The following CLCNKA variants were observed in gnomAD, a reference collection of about 807,000 sequenced individuals.
CLCNKA encodes the protein chloride voltage-gated channel Ka, also known as chloride channel protein ClC-Ka.
In CLCNKA, 66 loss-of-function variants were observed where a neutral mutation model predicts 83.3. The observed-to-expected ratio is 0.79, with a 90% CI of 0.65 to 0.97. CLCNKA has a LOEUF of 0.97. Among genes scored for constraint, CLCNKA ranks in the 50% least tolerant of loss-of-function variants. The pLI is 0.00. For missense variants in CLCNKA, 806 were observed against 888.7 expected (o/e 0.91, Z 1.18); for synonymous variants, 357 against 370.4 (o/e 0.96, Z 0.42).
At position 16,027,865 on chromosome 1, in the gene CLCNKA, C is replaced by T; in HGVS notation, c.826C>T (p.Pro276Ser). 6.2e-6 allele frequency: 10 copies of T among 1,613,408 alleles called. No homozygotes were observed. Among genetic ancestry groups the T allele is most frequent in the Non-Finnish European group, 8.5e-6 (10 of 1,179,786 alleles). ...LYKTSFRVDV[P>S]FDLPEIFFFV... The stretch of plus-strand genomic sequence containing the variant: ...CAAGACCAGTTTCCGGGTGGACGTT[C>T]CCTTCGACCTGCCTGAGATCTTCTT... The change falls in exon 9 of 20, where the codon CCC (proline) becomes TCC (serine). Residue 276 changes from proline (P) to serine (S), a missense_variant. Pro to Ser is a moderately conservative substitution (Grantham distance 74, BLOSUM62 -1). Transcript: ENST00000331433.
At position 16,030,653 on chromosome 1, in the gene CLCNKA, G is replaced by T. The variant is rs770418010; in HGVS notation, c.1601G>T (p.Arg534Leu). ...IIVKKLPYLP[R>L]ILGRNIGSHH... ...GTCAAGAAGCTGCCATACCTGCCAC[G>T]GATTCTGGGCCGCAACATCGGGTGA... Residue 534 changes from arginine (R) to leucine (L), a missense_variant, in exon 15 of 20, where the codon CGG (arginine) becomes CTG (leucine). Physicochemically the swap from Arg to Leu is moderately radical, Grantham distance 102. Coordinates refer to ENST00000331433, the MANE Select transcript of CLCNKA (RefSeq NM_004070.4). 1 of 1,613,294 alleles carries T rather than the reference G, an allele frequency of 6.2e-7. No homozygotes were observed. The highest frequency in any genetic ancestry group is 8.5e-7 in the Non-Finnish European group (1 of 1,180,030).
At chr1:16,022,390 C>A (rs1557446460) in intron 1 of CLCNKA, among the ~76,000 whole-genome samples, 2 of 152,092 alleles carry the variant, frequency 1.3e-5, no homozygotes, top group Non-Finnish European at 2.9e-5. Flanking sequence ...CAGGGGGACA[C>A]CTAGGAATCC....
chr1:16,029,820 G>C lies in CLCNKA; in HGVS notation c.1297+20G>C, dbSNP rs771326944. On this transcript the variant is annotated intron_variant, in intron 13 of 19. Coordinates refer to ENST00000331433, the MANE Select transcript of CLCNKA (RefSeq NM_004070.4). ...TCCTTGGTGAGTCTGGGGTCCTGAG[G>C]TTCTGAGAGTTTTGGGGTTCTTGGG... 3.7e-6 allele frequency: 6 copies of C among 1,614,100 alleles called. No individual in the cohort carries two copies. In the South Asian group the frequency reaches 6.6e-5, roughly 18 times the overall value.
rs781505084 is a variant in CLCNKA at position 16,029,958 on chromosome 1, T to C, written c.1298-7T>C. On this transcript the variant is annotated splice_region_variant and splice_polypyrimidine_tract_variant and intron_variant, in intron 13 of 19. Coordinates refer to ENST00000331433, the MANE Select transcript of CLCNKA (RefSeq NM_004070.4). The stretch of plus-strand genomic sequence containing the variant: ...CTGGCTCCCCCTCACCCTAAGTCTG[T>C]GGCCAGGAGCTGCCATCGGGCGCCT... The C allele has an allele frequency of 7.5e-6, 12 of 1,609,244 alleles. No individual in the cohort carries two copies. Among genetic ancestry groups the C allele is most frequent in the Middle Eastern group, 3.3e-4 (2 of 6,052 alleles).
At position 16,026,260 on chromosome 1, in the gene CLCNKA, G is replaced by A. The variant is rs1199752943; in HGVS notation, c.498+13G>A. 6.2e-7 allele frequency: 1 copy of A among 1,613,488 alleles called. No individual in the cohort carries two copies. The highest frequency in any genetic ancestry group is 8.5e-7 in the Non-Finnish European group (1 of 1,180,008). On this transcript the variant is annotated intron_variant, in intron 5 of 19. Coordinates refer to ENST00000331433, the MANE Select transcript of CLCNKA (RefSeq NM_004070.4). ...CCTGGGCAAAGTGGTATGGTCAGGTGTGAGGGCACCCCAGCCACCCCGCCC... is the reference window on the plus strand; with the variant it reads ...CCTGGGCAAAGTGGTATGGTCAGGTATGAGGGCACCCCAGCCACCCCGCCC...
chr1:16,025,029 C>A, intron 4 of CLCNKA, 138 bp downstream of exon 4: 1 of 1,164,496 alleles, frequency 8.6e-7, no homozygotes, highest in Non-Finnish European at 1.3e-6. Context: ...TGAAGGCACA[C>A]AGCAAGAAGG....
In CLCNKA at chr1:16,022,713, A is replaced by G. The variant is rs1436760926; in HGVS notation, c.94A>G (p.Ile32Val). Reference sequence around the variant, plus strand: ...CCCCTGTCCCCACATCCGCCGAGCCATCCAAGGTGAGAGCCAGGTCCTCTT... The same window carrying G: ...CCCCTGTCCCCACATCCGCCGAGCCGTCCAAGGTGAGAGCCAGGTCCTCTT... ...WGPCPHIRRA[I>V]QGGLEWLKQK... The change falls in exon 2 of 20, where the codon ATC (isoleucine) becomes GTC (valine). Residue 32 changes from isoleucine to valine, a missense_variant. Transcript: ENST00000331433. The G allele has an allele frequency of 1.3e-6, 2 of 1,533,212 alleles. No homozygotes were observed. Among genetic ancestry groups the G allele is most frequent in the Admixed American group, 2.0e-5 (1 of 49,620 alleles). The allele number at this position is 1,533,212 out of a possible 1,614,324, so 95.0% of individuals were successfully genotyped here.
intron 3 of CLCNKA, 42 bp downstream of exon 3, chr1:16,023,970 C>G (rs910147218): frequency 1.2e-6 from 2 of 1,612,342 alleles, no homozygotes; most frequent in East Asian, 2.2e-5. Context: ...CCAAGGGATT[C>G]TAGGCACGCT....
chr1:16,025,619 C>T (rs1557449267), intron 4 of CLCNKA, among the ~76,000 whole-genome samples: 1 of 144,274 alleles, frequency 6.9e-6, no homozygotes, highest in African/African-American at 2.4e-5. Flanking sequence ...CTGAGGAAGT[C>T]GGGGTTATAA....
Position 16,032,305 on chromosome 1 carries a change from A to C in CLCNKA, c.1845+14A>C, listed in dbSNP as rs1348726099. ...CCAGGACACCAGGTGGTTACTCCTG[A>C]GGGGCGTGGGGATGGGGCGGGGGTG... On this transcript the variant is annotated intron_variant, in intron 17 of 19. Coordinates refer to ENST00000331433, the MANE Select transcript of CLCNKA (RefSeq NM_004070.4). 4.0e-5 allele frequency: 16 copies of C among 405,022 alleles called. No individual in the cohort carries two copies. The highest frequency in any genetic ancestry group is 7.4e-5 in the Non-Finnish European group (16 of 215,908). The allele number at this position is 405,022 out of a possible 1,614,324, so 25.1% of individuals were successfully genotyped here. A position where few individuals can be genotyped will look rare whatever the true frequency, so the allele number is the denominator to read the frequency against.
At chr1:16,029,658 C>A (rs1366750793) in intron 12 of CLCNKA, 73 bp from the exon 13 acceptor site, 44 of 1,561,516 alleles carry the variant, frequency 2.8e-5, no homozygotes, top group Non-Finnish European at 3.7e-5. Context: ...CCCCTGTCCC[C>A]TGTCCTGTCT....
At position 16,030,520 on chromosome 1, in the gene CLCNKA, G is replaced by A; in HGVS notation, c.1468G>A (p.Glu490Lys). Residue 490 changes from glutamate (E) to lysine (K), a missense_variant, in exon 15 of 20, where the codon GAG (glutamate) becomes AAG (lysine). Glu to Lys is a moderately conservative substitution (Grantham distance 56, BLOSUM62 1). Coordinates refer to ENST00000331433, the MANE Select transcript of CLCNKA (RefSeq NM_004070.4). ...CATCTCCACGGCGCTGCTGGCCTTT[G>A]AGCTGACCGGCCAGATAGTGCATGC... Reference protein sequence around the residue: ...HTISTALLAFELTGQIVHALP... With the variant: ...HTISTALLAFKLTGQIVHALP... The A allele has an allele frequency of 6.2e-7, 1 of 1,613,126 alleles. No homozygotes were observed. Among genetic ancestry groups the A allele is most frequent in the Non-Finnish European group, 8.5e-7 (1 of 1,180,038 alleles).
intron 7 of CLCNKA, 132 bp downstream of exon 7, chr1:16,026,907 T>G (rs1192880422): frequency 1.6e-6 from 2 of 1,221,410 alleles, no homozygotes; most frequent in Non-Finnish European, 2.3e-6. Context: ...AGCCCCGCTT[T>G]GGGTATAGCC....
At chr1:16,032,355 G>A (rs1423027655) in intron 17 of CLCNKA, 64 bp downstream of exon 17, 4 of 1,536,992 alleles carry the variant, frequency 2.6e-6, no homozygotes, top group Admixed American at 1.7e-5. Context: ...GGAGGGGAGG[G>A]ACCCGCTGAT....
At chr1:16,032,583 TGAG>T (rs1557457811) in intron 18 of CLCNKA, 57 bp downstream of exon 18, 2 of 1,341,448 alleles carry the variant, frequency 1.5e-6, no homozygotes, top group South Asian at 1.2e-5. Flanking sequence ...CAAGAGCTGA[TGAG>T]GAGCTCAGGC....
Position 16,026,208 on chromosome 1 carries a change from C to CA in CLCNKA, c.460dup (p.Thr154AsnfsTer39), listed in dbSNP as rs2022339527. ...GGGCCAAGGTGGTGGGCCTCTCCTG[C>CA]ACCCTGGCCACCGGCAGCACCCTGT... On this transcript the variant is annotated frameshift_variant, in exon 5 of 20. Transcript: ENST00000331433. LOFTEE classifies it high-confidence loss of function. 1 of 1,613,794 alleles carries CA rather than the reference C, an allele frequency of 6.2e-7. No homozygotes were observed. The highest frequency in any genetic ancestry group is 1.3e-5 in the African/African-American group (1 of 74,910).
chr1:16,022,093 A>G (rs2022151839), intron 1 of CLCNKA, 30 bp downstream of exon 1: 1 of 152,992 alleles, frequency 6.5e-6, no homozygotes, highest in South Asian at 2.1e-4. Flanking sequence ...GGACTGGAGT[A>G]TGAACCTGGA....
At chr1:16,025,349 TTA>T (rs2022304806) in intron 4 of CLCNKA, among the ~76,000 whole-genome samples, 1 of 152,188 alleles carries the variant, frequency 6.6e-6, no homozygotes, top group Non-Finnish European at 1.5e-5. Context: ...CAAAATGAGT[TTA>T]TGCATCCTAA....
At position 16,029,076 on chromosome 1, in the gene CLCNKA, T is replaced by G. The variant is rs376679265; in HGVS notation, c.1054-50T>G. On this transcript the variant is annotated intron_variant, in intron 11 of 19. Coordinates refer to ENST00000331433, the MANE Select transcript of CLCNKA (RefSeq NM_004070.4). Reference sequence around the variant, plus strand: ...AGGCGGTGCGGGGGAGGCTGGGGTCTGCCGCTGGGGGGGGCCCCTCATGTC... The same window carrying G: ...AGGCGGTGCGGGGGAGGCTGGGGTCGGCCGCTGGGGGGGGCCCCTCATGTC... 650 of 1,593,340 alleles carry G rather than the reference T, an allele frequency of 4.1e-4. 9 individuals carry two copies. The highest frequency in any genetic ancestry group is 5.2e-4 in the Non-Finnish European group (609 of 1,169,410).
Sources: gnomAD v4.1 joint callset for allele counts (sites outside exome capture counted in the v4.1 genomes callset) on GRCh38, gnomAD v4.1.1 for gene constraint, MANE v1.5 for transcripts, NCBI Gene and HGNC (gene_info 2026-07-23, HGNC 2026-07-21) for gene names.